The following INF2 variants were observed in gnomAD, a reference collection of about 807,000 sequenced individuals.
INF2 encodes the protein inverted formin-2.
A neutral mutation model predicts 123.5 loss-of-function variants in INF2; 43 were observed. The observed-to-expected ratio is 0.35, with a 90% CI of 0.27 to 0.45. The LOEUF (loss-of-function observed/expected upper bound fraction) is 0.45. INF2 is among the 20% of genes least tolerant of loss of function. The pLI is 1.00. For synonymous variants in INF2, 851 were observed against 745.0 expected, an observed-to-expected ratio of 1.14 and a Z score of -2.32; for missense variants, 1,453 against 1,682.7, an observed-to-expected ratio of 0.86 and a Z score of 2.39.
chr14:104,697,288 C>T (rs1566775173), intron 1 of INF2, among the ~76,000 whole-genome samples: 1 of 152,206 alleles, frequency 6.6e-6, no homozygotes. Context: ...GGAGCCGAGG[C>T]CTGGGGGCTT....
chr14:104,708,407 G>A (rs1382651641), intron 8 of INF2, 29 bp from the exon 9 acceptor site: 1 of 1,608,564 alleles, frequency 6.2e-7, no homozygotes. Context: ...GGCTGCGAGA[G>A]CCTCACTGGC....
Position 104,714,371 on chromosome 14 carries a change from G to C in INF2, c.3209G>C (p.Arg1070Pro). Reference sequence around the variant, plus strand: ...GAGCAGTTGGAGGAGGGTGGTCCACGGCCCCTGGAGAGGCGTTCTTCCTGG... The same window carrying C: ...GAGCAGTTGGAGGAGGGTGGTCCACCGCCCCTGGAGAGGCGTTCTTCCTGG... ...TLEQLEEGGP[R>P]PLERRSSWYV... The change falls in exon 21 of 23, where the codon CGG becomes CCG. Residue 1070 changes from arginine to proline, a missense_variant. Physicochemically the swap from Arg to Pro is moderately radical, Grantham distance 103 (BLOSUM62 -2). Around this residue, in one of 8 missense-constraint regions of INF2, gnomAD observed 344 missense variants for 333.1 expected, o/e 1.03. Transcript: ENST00000392634. 1 of 1,597,536 alleles carries C rather than the reference G, an allele frequency of 6.3e-7. No individual in the cohort carries two copies. The highest frequency in any genetic ancestry group is 1.7e-5 in the Admixed American group (1 of 57,286).
At position 104,707,673 on chromosome 14, in the gene INF2, T is replaced by A; in HGVS notation, c.1406T>A (p.Met469Lys). 1.8e-6 allele frequency: 1 copy of A among 551,846 alleles called. No individual in the cohort carries two copies. Among genetic ancestry groups the A allele is most frequent in the Non-Finnish European group, 2.9e-6 (1 of 341,718 alleles). The allele number at this position is 551,846 out of a possible 1,614,324, so 34.2% of individuals were successfully genotyped here. A position where few individuals can be genotyped will look rare whatever the true frequency, so the allele number is the denominator to read the frequency against. Reference protein sequence around the residue: ...PPPPLPGLGAMAPPAPPLPPP... With the variant: ...PPPPLPGLGAKAPPAPPLPPP... ...CCACCCCTGCCAGGCCTGGGGGCCA[T>A]GGCCCCCCCAGCACCTCCTCTACCA... Residue 469 changes from methionine (M) to lysine (K), a missense_variant, in exon 8 of 23, where the codon ATG (methionine) becomes AAG (lysine). Met to Lys is a moderately conservative substitution (Grantham distance 95). Transcript: ENST00000392634.
chr14:104,693,472 G>A (rs1889049880), intron 1 of INF2, among the ~76,000 whole-genome samples: 1 of 152,188 alleles, frequency 6.6e-6, no homozygotes, highest in African/African-American at 2.4e-5. Flanking sequence ...CTAGCTTTGA[G>A]GCTAACCCAG....
At chr14:104,701,938 C>G (rs912829978) in intron 2 of INF2, among the ~76,000 whole-genome samples, 182 bp downstream of exon 2, 1 of 152,140 alleles carries the variant, frequency 6.6e-6, no homozygotes, top group Admixed American at 6.5e-5. Flanking sequence ...ACATTCACTC[C>G]GAGTCTGAGG....
intron 1 of INF2, chr14:104,681,725 C>T (rs1479339577): frequency 2.9e-5 from 18 of 617,380 alleles, no homozygotes; most frequent in South Asian, 1.0e-4. Context: ...GGTGCAGAGC[C>T]GGGACAGCCT....
At chr14:104,681,519 A>G (rs568782368) in exon 1 of INF2, 2 of 1,282,022 alleles carry the variant, frequency 1.6e-6, no homozygotes, top group South Asian at 2.5e-5. Flanking sequence ...GCCCCCTCTC[A>G]GCAAACTCCA....
At chr14:104,706,773 C>T (rs1036021315) in intron 6 of INF2, 137 bp from the exon 7 acceptor site, 55 of 936,772 alleles carry the variant, frequency 5.9e-5, no homozygotes, top group Non-Finnish European at 6.4e-5. Context: ...GTACCACAGT[C>T]GCTGAAACTC....
Position 104,715,962 on chromosome 14 carries a change from T to A in INF2, c.*1+622T>A, listed in dbSNP as rs778770767. The stretch of plus-strand genomic sequence containing the variant: ...TGGGTGGGTCTATGGAGAAGCAGAT[T>A]ACCCCCCGCACACCGAGTCTTCTGG... On this transcript the variant is annotated intron_variant, in intron 22 of 22. Transcript: ENST00000392634. 93 of 455,978 alleles carry A rather than the reference T, an allele frequency of 2.0e-4. No individual in the cohort carries two copies. In the Middle Eastern group the frequency reaches 5.2e-3, roughly 26 times the overall value. The allele number at this position is 455,978 out of a possible 1,614,324, so 28.2% of individuals were successfully genotyped here.
chr14:104,694,451 C>T (rs1369271644), intron 1 of INF2, among the ~76,000 whole-genome samples: 1 of 152,218 alleles, frequency 6.6e-6, no homozygotes, highest in Non-Finnish European at 1.5e-5. Flanking sequence ...CATGCAACGT[C>T]CTAGCTCCGT....
At position 104,699,593 on chromosome 14, in the gene INF2, A is replaced by T. The variant is rs889775804; in HGVS notation, c.-9-1764A>T. On this transcript the variant is annotated intron_variant, in intron 1 of 22. Transcript: ENST00000392634. This position sits in a 1 kb window ranked among gnomAD's most constrained non-coding sequence, Gnocchi z 4.7. ...CAGAGGTGGCCGGAAGGTCTTGCGC[A>T]TCTGGGTGAGTGGACGGCCACTGGG... 9.2e-6 allele frequency: 9 copies of T among 983,228 alleles called. No homozygotes were observed. In the East Asian group the frequency reaches 9.3e-4, roughly 102 times the overall value. The allele number at this position is 983,228 out of a possible 1,614,324, so 60.9% of individuals were successfully genotyped here. A position where few individuals can be genotyped will look rare whatever the true frequency, so the allele number is the denominator to read the frequency against.
intron 1 of INF2, among the ~76,000 whole-genome samples, chr14:104,697,934 C>T (rs915838012): frequency 6.6e-6 from 1 of 152,192 alleles, no homozygotes; most frequent in Admixed American, 6.5e-5. Context: ...GACCCTTTTG[C>T]TGTCCAAGGC....
intron 1 of INF2, among the ~76,000 whole-genome samples, chr14:104,682,906 G>A (rs957355736): frequency 1.3e-5 from 2 of 152,106 alleles, no homozygotes; most frequent in African/African-American, 4.8e-5. Context: ...TTCTGTGCAT[G>A]CAGCCTGCGC....
rs1566785725 is a variant in INF2, at chr14:104,713,557, CGGG to C, written c.2994_2996del (p.Gly999del). ...CAGCCCGGGGCCGCGGGGACACCGA[CGGG>C]GGCAGCAAGGCAGCCTCCATGGATC... is the stretch of plus-strand genomic sequence containing the variant. On this transcript the variant is annotated inframe_deletion, in exon 20 of 23. Transcript: ENST00000392634. 1 of 1,612,238 alleles carries C rather than the reference CGGG, an allele frequency of 6.2e-7. No individual in the cohort carries two copies. The highest frequency in any genetic ancestry group is 8.5e-7 in the Non-Finnish European group (1 of 1,179,682).
At chr14:104,706,307 CT>C in intron 6 of INF2, 131 bp downstream of exon 6, 1 of 986,468 alleles carries the variant, frequency 1.0e-6, no homozygotes, top group Non-Finnish European at 1.4e-6. Flanking sequence ...ATGGTGCCAG[CT>C]TTGGGGTGAG....
chr14:104,711,782 A>C, intron 16 of INF2, 83 bp downstream of exon 16: 1 of 1,333,162 alleles, frequency 7.5e-7, no homozygotes, highest in South Asian at 1.2e-5. Context: ...GCTGCCCGCC[A>C]GGGCTGGGTC....
At chr14:104,689,103 G>T, upstream of INF2, 1 of 601,682 alleles carries the variant, frequency 1.7e-6, no homozygotes, top group Middle Eastern at 8.1e-4. Flanking sequence ...CTGCGGAGAG[G>T]AGGCCACATG....
At chr14:104,706,879 G>C in intron 6 of INF2, 31 bp from the exon 7 acceptor site, 1 of 1,599,254 alleles carries the variant, frequency 6.3e-7, no homozygotes, top group Non-Finnish European at 8.5e-7. Context: ...GGGGCCGGCT[G>C]CTGACCTGCA....
chr14:104,703,849 G>A, intron 4 of INF2, 67 bp from the exon 5 acceptor site: 3 of 1,607,682 alleles, frequency 1.9e-6, no homozygotes, highest in Non-Finnish European at 1.7e-6. Flanking sequence ...GCTCTGGGTG[G>A]CAGAAGTGAA....
Sources: gnomAD v4.1 joint callset for allele counts (sites outside exome capture counted in the v4.1 genomes callset) on GRCh38, gnomAD v4.1.1 for gene constraint, gnomAD v4.1.1 regional missense constraint, Gnocchi (gnomAD v3.1) non-coding constraint, MANE v1.5 for transcripts, NCBI Gene and HGNC (gene_info 2026-07-23, HGNC 2026-07-21) for gene names.